The following PDE12 variants were observed in gnomAD, a reference collection of about 807,000 sequenced individuals.
The protein encoded by PDE12 is phosphodiesterase 12.
PDE12 carries 26 observed loss-of-function variants against 45.4 expected under a neutral mutation model. The ratio of observed to expected loss-of-function variants is 0.57; its 90% CI spans 0.42 to 0.79. The LOEUF (loss-of-function observed/expected upper bound fraction) is 0.79, where lower values mean the gene tolerates loss of function less well. PDE12 is among the 30% of genes least tolerant of loss of function. PDE12 has a pLI of 0.00. For missense variants in PDE12, 668 were observed against 790.0 expected (o/e 0.85, Z 1.85); for synonymous variants, 283 against 323.9 (o/e 0.87, Z 1.36).
At chr3:57,583,596 C>G in the PDE12 span, among the ~76,000 whole-genome samples, 1 of 152,144 alleles carries the variant, frequency 6.6e-6, no homozygotes, top group Non-Finnish European at 1.5e-5. Flanking sequence ...ACAGACCTTA[C>G]TTTCTAAACT....
the PDE12 span, chr3:57,619,365 A>AC: frequency 6.5e-6 from 1 of 153,470 alleles, no homozygotes; most frequent in Non-Finnish European, 1.4e-5. Context: ...AAACAAAACA[A>AC]AACAAAACAA....
the PDE12 span, chr3:57,597,375 C>A: frequency 2.9e-5 from 12 of 407,816 alleles, no homozygotes; most frequent in Non-Finnish European, 4.5e-5. Flanking sequence ...AGCCTTTAGG[C>A]TCTGGCTGTG....
Position 57,561,950 on chromosome 3 carries a change from C to T in PDE12, c.*1946C>T. On this transcript the variant is annotated 3_prime_UTR_variant, in exon 3 of 3. Coordinates refer to ENST00000311180, the MANE Select transcript of PDE12 (RefSeq NM_177966.7). Reference sequence around the variant, plus strand: ...AAAAACTATAAATAAAAAATTGATGCTACCAAATTGTGCCTTCCTAAATAA... The same window carrying T: ...AAAAACTATAAATAAAAAATTGATGTTACCAAATTGTGCCTTCCTAAATAA... 1.0e-6 allele frequency: 1 copy of T among 984,672 alleles called. No individual in the cohort carries two copies. The highest frequency in any genetic ancestry group is 1.2e-6 in the Non-Finnish European group (1 of 829,286). 61.0% of individuals were successfully genotyped at this position (984,672 alleles called of 1,614,324 possible).
At chr3:57,652,621 A>C in the PDE12 span, among the ~76,000 whole-genome samples, 1 of 152,224 alleles carries the variant, frequency 6.6e-6, no homozygotes, top group East Asian at 1.9e-4. Flanking sequence ...TATCTCCCCC[A>C]AAAATACCTA....
At chr3:57,612,378 C>T in the PDE12 span, among the ~76,000 whole-genome samples, 1 of 151,894 alleles carries the variant, frequency 6.6e-6, no homozygotes, top group African/African-American at 2.4e-5. Flanking sequence ...TACCCTAGAA[C>T]TTAAAGTATA....
rs1169105021 is a variant in PDE12 at position 57,560,033 on chromosome 3, AAAGG to A, written c.*33_*36del. 6.4e-7 allele frequency: 1 copy of A among 1,559,306 alleles called. No individual in the cohort carries two copies. Among genetic ancestry groups the A allele is most frequent in the Non-Finnish European group, 8.6e-7 (1 of 1,159,146 alleles). ...TGTGTTTAATGGAATTGAAGTCTGA[AAAGG>A]AAGTAGTTATTTTAGCAGAAAATTT... is the stretch of plus-strand genomic sequence containing the variant. On this transcript the variant is annotated 3_prime_UTR_variant, in exon 3 of 3. Transcript: ENST00000311180.
chr3:57,644,200 T>A, the PDE12 span, among the ~76,000 whole-genome samples: 1 of 144,370 alleles, frequency 6.9e-6, no homozygotes, highest in African/African-American at 2.6e-5. Context: ...CAGAACACAA[T>A]ACCTAGCGAA....
At chr3:57,622,680 C>A in the PDE12 span, among the ~76,000 whole-genome samples, 1 of 152,130 alleles carries the variant, frequency 6.6e-6, no homozygotes, top group Non-Finnish European at 1.5e-5. Flanking sequence ...TAGAAACAAT[C>A]CAAATGTCTA....
At chr3:57,638,544 GCGA>G in the PDE12 span, among the ~76,000 whole-genome samples, 5 of 152,154 alleles carry the variant, frequency 3.3e-5, no homozygotes, top group African/African-American at 1.2e-4. Context: ...TGTAATCTCA[GCGA>G]CTCGGGGAGC....
the PDE12 span, among the ~76,000 whole-genome samples, chr3:57,647,651 G>A: frequency 3.4e-4 from 52 of 152,262 alleles, no homozygotes; most frequent in African/African-American, 1.2e-3. Flanking sequence ...CTGGCATAAG[G>A]TGTCAGAGCA....
chr3:57,627,428 G>A, the PDE12 span: 6 of 152,052 alleles, frequency 3.9e-5, no homozygotes, highest in Admixed American at 3.9e-4. Context: ...ACAGGCGTGA[G>A]CCACCACACC....
At chr3:57,634,727 A>G in the PDE12 span, 1 of 1,571,744 alleles carries the variant, frequency 6.4e-7, no homozygotes, top group Non-Finnish European at 8.6e-7. Context: ...CAGAGTCTTT[A>G]GATTCTTCAG....
the PDE12 span, among the ~76,000 whole-genome samples, chr3:57,604,376 A>G: frequency 3.9e-5 from 6 of 152,166 alleles, no homozygotes; most frequent in African/African-American, 1.4e-4. Flanking sequence ...GATAGTGTTA[A>G]CAAAATAATC....
At chr3:57,631,759 T>G in the PDE12 span, among the ~76,000 whole-genome samples, 2 of 145,106 alleles carry the variant, frequency 1.4e-5, no homozygotes, top group Admixed American at 1.4e-4. Context: ...GTCTCACTCT[T>G]TCGCCCAAGC....
the PDE12 span, among the ~76,000 whole-genome samples, chr3:57,634,060 CAT>C: frequency 3.9e-5 from 6 of 152,102 alleles, no homozygotes; most frequent in African/African-American, 9.7e-5. Context: ...GACTGACACT[CAT>C]GTGTAGCTAC....
the PDE12 span, among the ~76,000 whole-genome samples, chr3:57,574,939 C>A: frequency 3.3e-5 from 5 of 151,792 alleles, no homozygotes; most frequent in Non-Finnish European, 7.4e-5. Context: ...ACCTCCACCT[C>A]CTGGGTTCAA....
At position 57,565,410 on chromosome 3, in the gene PDE12, ATAGAG is replaced by A. The variant is rs927494101; in HGVS notation, c.*5409_*5413del. Reference sequence around the variant, plus strand: ...ATTTATGTGGGACATATTTCTTTTGATAGAGTAAATTGAGTATTCATCACATCAAG... The same window carrying A: ...ATTTATGTGGGACATATTTCTTTTGATAAATTGAGTATTCATCACATCAAG... On this transcript the variant is annotated 3_prime_UTR_variant, in exon 3 of 3. Transcript: ENST00000311180. The A allele has an allele frequency of 1.3e-5, 2 of 152,186 alleles. No individual in the cohort carries two copies. The highest frequency in any genetic ancestry group is 4.8e-5 in the African/African-American group (2 of 41,426). 9.4% of individuals were successfully genotyped at this position (152,186 alleles called of 1,614,324 possible).
At chr3:57,632,848 C>T in the PDE12 span, among the ~76,000 whole-genome samples, 1 of 152,184 alleles carries the variant, frequency 6.6e-6, no homozygotes, top group African/African-American at 2.4e-5. Flanking sequence ...TCCCTGTTAT[C>T]ATAGAGCTAC....
At chr3:57,567,061 G>A (rs573533302), downstream of PDE12, among the ~76,000 whole-genome samples, 1 of 152,138 alleles carries the variant, frequency 6.6e-6, no homozygotes, top group Non-Finnish European at 1.5e-5. Context: ...TGTAATCCTA[G>A]CACTTTGGGA....
Sources: gnomAD v4.1 joint callset for allele counts (sites outside exome capture counted in the v4.1 genomes callset) on GRCh38, gnomAD v4.1.1 for gene constraint, MANE v1.5 for transcripts, NCBI Gene and HGNC (gene_info 2026-07-23, HGNC 2026-07-21) for gene names.